Variants in MMP16 observed in about 807,000 individuals in gnomAD.
MMP16 encodes the protein matrix metallopeptidase 16, also known as matrix metalloproteinase-16.
MMP16 carries 12 observed loss-of-function variants against 67.8 expected under a neutral mutation model. The ratio of observed to expected loss-of-function variants is 0.18; its 90% CI spans 0.11 to 0.29. The LOEUF is 0.29. MMP16 is among the 10% of genes least tolerant of loss of function. MMP16 has a pLI of 1.00. For missense variants in MMP16, 475 were observed against 765.7 expected (o/e 0.62, Z 4.48); for synonymous variants, 249 against 255.9 (o/e 0.97, Z 0.26).
intron 1 of MMP16, among the ~76,000 whole-genome samples, chr8:88,306,340 G>T (rs1468644820): frequency 6.6e-6 from 1 of 152,008 alleles, no homozygotes; most frequent in Non-Finnish European, 1.5e-5. Context: ...TTCACAGCTG[G>T]ATTCTACCAG....
At chr8:88,203,054 G>T (rs1047371304) in intron 1 of MMP16, among the ~76,000 whole-genome samples, 1 of 151,562 alleles carries the variant, frequency 6.6e-6, no homozygotes, top group East Asian at 1.9e-4. Flanking sequence ...CTTGCAAAGT[G>T]GGGGGTGCAA....
At chr8:88,141,848 T>G (rs1808216244) in intron 4 of MMP16, among the ~76,000 whole-genome samples, 1 of 152,140 alleles carries the variant, frequency 6.6e-6, no homozygotes, top group South Asian at 2.1e-4. Context: ...TGCTCCTTGG[T>G]CAAATAATTA....
At chr8:88,193,440 G>A (rs896685635) in intron 2 of MMP16, among the ~76,000 whole-genome samples, 1 of 150,918 alleles carries the variant, frequency 6.6e-6, no homozygotes, top group African/African-American at 2.5e-5. Flanking sequence ...GGCTGGGAAG[G>A]ATAGGAGGGA....
chr8:88,111,826 C>T (rs1001385910), intron 6 of MMP16, among the ~76,000 whole-genome samples: 5 of 151,668 alleles, frequency 3.3e-5, no homozygotes, highest in African/African-American at 4.8e-5. Flanking sequence ...TTGAGCCATA[C>T]TCCATATTTA....
chr8:88,216,000 A>T (rs1809586778), intron 1 of MMP16, among the ~76,000 whole-genome samples: 1 of 152,206 alleles, frequency 6.6e-6, no homozygotes, highest in Non-Finnish European at 1.5e-5. Context: ...ATGATTTTAC[A>T]TATATTTGTG....
intron 9 of MMP16, among the ~76,000 whole-genome samples, chr8:88,042,616 C>T (rs1421721370): frequency 6.6e-6 from 1 of 152,176 alleles, no homozygotes; most frequent in African/African-American, 2.4e-5. Flanking sequence ...CAACATAAAT[C>T]TACAATTCTA....
intron 6 of MMP16, among the ~76,000 whole-genome samples, chr8:88,096,235 G>A (rs577851426): frequency 1.3e-5 from 2 of 151,924 alleles, no homozygotes; most frequent in South Asian, 4.1e-4. Context: ...ATATTAATGG[G>A]TTTGATTATG....
chr8:88,191,867 C>A (rs1380826678), intron 2 of MMP16, among the ~76,000 whole-genome samples: 2 of 152,180 alleles, frequency 1.3e-5, no homozygotes, highest in Non-Finnish European at 2.9e-5. Flanking sequence ...CAACAAAATA[C>A]CAGGGAAACG....
intron 1 of MMP16, among the ~76,000 whole-genome samples, chr8:88,306,617 G>A (rs1342627870): frequency 2.6e-5 from 4 of 152,062 alleles, no homozygotes; most frequent in Non-Finnish European, 5.9e-5. Context: ...ATGCAAGGTT[G>A]GTTCAATATA....
chr8:88,164,425 T>C (rs1357899637), intron 4 of MMP16, among the ~76,000 whole-genome samples: 1 of 152,074 alleles, frequency 6.6e-6, no homozygotes. Context: ...ATTCTCCCCA[T>C]AGCCACCAGT....
chr8:88,159,402 G>C (rs1256082685), intron 4 of MMP16, among the ~76,000 whole-genome samples: 1 of 152,024 alleles, frequency 6.6e-6, no homozygotes, highest in Admixed American at 6.6e-5. Flanking sequence ...TGAATTCCTA[G>C]GTATTTTATT....
chr8:88,214,006 G>A (rs559913338), intron 1 of MMP16, among the ~76,000 whole-genome samples: 1 of 152,024 alleles, frequency 6.6e-6, no homozygotes, highest in Non-Finnish European at 1.5e-5. Flanking sequence ...TCTAACAAGC[G>A]CCTAACAGAC....
intron 4 of MMP16, among the ~76,000 whole-genome samples, chr8:88,127,024 T>C (rs929652272): frequency 2.0e-5 from 3 of 151,774 alleles, no homozygotes; most frequent in Non-Finnish European, 4.4e-5. Context: ...GAAAAGAAAT[T>C]GAAACTCCAG....
intron 1 of MMP16, among the ~76,000 whole-genome samples, chr8:88,243,632 G>A (rs1475999387): frequency 1.3e-5 from 2 of 152,122 alleles, no homozygotes; most frequent in Non-Finnish European, 2.9e-5. Flanking sequence ...AATTTATGAT[G>A]GCATTGCATT....
rs1287243179 is a variant in MMP16, at chr8:88,033,174, G to T, written c.*8287C>A. ...TTTACCCAAGAGACAACTTCCCTTT[G>T]CAATTACTTGAATCTCATTCTGACT... On this transcript the variant is annotated 3_prime_UTR_variant, in exon 10 of 10. Coordinates refer to ENST00000286614, the MANE Select transcript of MMP16 (RefSeq NM_005941.5). The T allele has an allele frequency of 4.6e-5, 7 of 151,774 alleles. No individual in the cohort carries two copies. Among genetic ancestry groups the T allele is most frequent in the Admixed American group, 4.6e-4 (7 of 15,188 alleles). The allele number at this position is 151,774 out of a possible 1,614,324, so 9.4% of individuals were successfully genotyped here.
At chr8:88,170,296 A>G (rs1157921952) in intron 3 of MMP16, among the ~76,000 whole-genome samples, 2 of 152,188 alleles carry the variant, frequency 1.3e-5, no homozygotes, top group African/African-American at 4.8e-5. Flanking sequence ...TTTATGTGAT[A>G]CTCAGCATGG....
chr8:88,215,628 C>T (rs1809580248), intron 1 of MMP16, among the ~76,000 whole-genome samples: 2 of 152,120 alleles, frequency 1.3e-5, no homozygotes, highest in Admixed American at 1.3e-4. Flanking sequence ...CTTTCCATGA[C>T]ACCAGATCTC....
chr8:88,240,553 A>C (rs1180875256), intron 1 of MMP16, among the ~76,000 whole-genome samples: 2 of 152,200 alleles, frequency 1.3e-5, no homozygotes, highest in Non-Finnish European at 2.9e-5. Flanking sequence ...ATTGAGAAGT[A>C]TACAAGGCTT....
At chr8:88,221,535 T>C (rs2129846897) in intron 1 of MMP16, among the ~76,000 whole-genome samples, 1 of 151,884 alleles carries the variant, frequency 6.6e-6, no homozygotes, top group East Asian at 1.9e-4. Flanking sequence ...CAAAACAAAA[T>C]CGTTACAAAT....
Sources: allele counts gnomAD v4.1 joint callset (sites outside exome capture counted in the v4.1 genomes callset), GRCh38; gene constraint gnomAD v4.1.1; transcripts MANE v1.5; gene names NCBI Gene and HGNC (gene_info 2026-07-23, HGNC 2026-07-21).